The following GPR89B variants were observed in gnomAD, a reference collection of about 807,000 sequenced individuals.
GPR89B encodes golgi pH regulator B.
GPR89B carries 25 observed loss-of-function variants against 52.4 expected under a neutral mutation model. That is an observed-to-expected ratio of 0.48 (90% CI 0.35 to 0.67). The LOEUF is 0.67. Among genes scored for constraint, GPR89B ranks in the 30% least tolerant of loss-of-function variants. The pLI, the probability that GPR89B is intolerant of heterozygous loss-of-function variation, is 0.01. For missense variants in GPR89B, 146 were observed against 450.2 expected (o/e 0.32, Z 6.11); for synonymous variants, 52 against 151.2 (o/e 0.34, Z 4.81).
At chr1:147,987,237 C>G (rs1465028728) in intron 11 of GPR89B, among the ~76,000 whole-genome samples, 1 of 152,212 alleles carries the variant, frequency 6.6e-6, no homozygotes, top group Non-Finnish European at 1.5e-5. Context: ...GTATGCTTTA[C>G]AGGCCACGCA....
chr1:147,993,955 C>T (rs1285387098), downstream of GPR89B: 6 of 295,614 alleles, frequency 2.0e-5, no homozygotes, highest in East Asian at 5.8e-4. Context: ...GCAGCTGTCA[C>T]CTATACAGAG....
chr1:147,981,680 TCTCA>T (rs1284478767), intron 10 of GPR89B, among the ~76,000 whole-genome samples: 1 of 151,876 alleles, frequency 6.6e-6, no homozygotes, highest in Non-Finnish European at 1.5e-5. Flanking sequence ...TGAGACACAG[TCTCA>T]CTCTGTTGCC....
intron 1 of GPR89B, among the ~76,000 whole-genome samples, chr1:147,935,024 C>T (rs1351469333): frequency 1.3e-5 from 2 of 151,258 alleles, no homozygotes; most frequent in Non-Finnish European, 3.0e-5. Context: ...CCTCATAGAG[C>T]TTATAATCTA....
chr1:147,957,787 AGG>A (rs1656226383), intron 7 of GPR89B, among the ~76,000 whole-genome samples: 1 of 152,072 alleles, frequency 6.6e-6, no homozygotes, highest in African/African-American at 2.4e-5. Flanking sequence ...CATAAAGGCC[AGG>A]CGCAGTGGCT....
rs1656385848 is a variant in GPR89B at position 147,959,576 on chromosome 1, G to T, written c.617+5174G>T. Among the ~76,000 whole-genome samples, 3 of 152,108 alleles carry T rather than the reference G, an allele frequency of 2.0e-5. 1 individual carries two copies. In the South Asian group the frequency reaches 6.2e-4, roughly 32 times the overall value. The stretch of plus-strand genomic sequence containing the variant: ...CTCCCAGCACCCACTCAAGTGTACA[G>T]ATTGGTAAGAGTTTAAATCAGCTGA... On this transcript the variant is annotated intron_variant, in intron 7 of 13. Transcript: ENST00000314163.
At position 147,986,091 on chromosome 1, in the gene GPR89B, A is replaced by C. The variant is rs1658647087; in HGVS notation, c.910-108A>C. 6 of 1,598,262 alleles carry C rather than the reference A, an allele frequency of 3.8e-6. No individual in the cohort carries two copies. In the African/African-American group the frequency reaches 6.7e-5, roughly 18 times the overall value. On this transcript the variant is annotated intron_variant, in intron 10 of 13. Coordinates refer to ENST00000314163, the MANE Select transcript of GPR89B (RefSeq NM_016334.5). ...AGAGTAGAATTGCATTTTTAGGAACATTGACCTGTAAGATATGTTATAGTG... is the reference window on the plus strand; with the variant it reads ...AGAGTAGAATTGCATTTTTAGGAACCTTGACCTGTAAGATATGTTATAGTG...
At chr1:148,004,009 T>A in the GPR89B span, 1 of 496,972 alleles carries the variant, frequency 2.0e-6, no homozygotes, top group East Asian at 3.5e-5. Flanking sequence ...AGATGAGGAA[T>A]GACATCAACC....
At chr1:147,991,838 A>G (rs1659093231) in intron 12 of GPR89B, among the ~76,000 whole-genome samples, 1 of 151,896 alleles carries the variant, frequency 6.6e-6, no homozygotes, top group Non-Finnish European at 1.5e-5. Context: ...GTGCCGCTGG[A>G]TTCAGTTTGC....
downstream of GPR89B, among the ~76,000 whole-genome samples, chr1:147,997,617 G>A (rs1415992942): frequency 2.0e-5 from 3 of 152,148 alleles, no homozygotes; most frequent in African/African-American, 4.8e-5. Flanking sequence ...ACAGCCTGTC[G>A]TGGGGCTTCT....
chr1:148,006,104 A>G, the GPR89B span, among the ~76,000 whole-genome samples: 2 of 152,320 alleles, frequency 1.3e-5, no homozygotes, highest in African/African-American at 4.8e-5. Flanking sequence ...CTGACACTGA[A>G]CTTGACACAG....
chr1:147,931,618 A>G (rs1653619416), intron 1 of GPR89B, among the ~76,000 whole-genome samples: 1 of 146,498 alleles, frequency 6.8e-6, no homozygotes, highest in Non-Finnish European at 1.5e-5. Context: ...TTTATTTTAG[A>G]TTTGGTACTT....
chr1:148,021,245 G>A, the GPR89B span, among the ~76,000 whole-genome samples: 6 of 151,294 alleles, frequency 4.0e-5, no homozygotes, highest in South Asian at 1.3e-3. Flanking sequence ...GCTCACGCCT[G>A]TAATCCCAGC....
the GPR89B span, among the ~76,000 whole-genome samples, chr1:148,015,584 G>A: frequency 0.025 from 3,650 of 148,300 alleles, 172 homozygotes; most frequent in Non-Finnish European, 0.035. Flanking sequence ...AAAGTGTTGG[G>A]ATTACAGGCT....
chr1:147,984,550 T>C (rs1658526741), intron 10 of GPR89B, among the ~76,000 whole-genome samples: 2 of 150,588 alleles, frequency 1.3e-5, no homozygotes, highest in South Asian at 4.3e-4. Context: ...CTCTGGTCTT[T>C]GTTATTTCCT....
the GPR89B span, among the ~76,000 whole-genome samples, chr1:148,025,162 C>G: frequency 6.6e-6 from 1 of 151,862 alleles, no homozygotes; most frequent in East Asian, 1.9e-4. Flanking sequence ...ATGCATGACT[C>G]AAGTAAGAGC....
chr1:147,957,364 G>T (rs1246352970), intron 7 of GPR89B, among the ~76,000 whole-genome samples: 4 of 151,168 alleles, frequency 2.6e-5, no homozygotes, highest in Admixed American at 2.0e-4. Flanking sequence ...TAATAATAAT[G>T]AGTTAAGACT....
rs1228681619 is a variant in GPR89B, at chr1:147,986,055, G to A, written c.910-144G>A. The A allele has an allele frequency of 2.7e-5, 41 of 1,536,178 alleles. No individual in the cohort carries two copies. In the African/African-American group the frequency reaches 5.0e-4, roughly 19 times the overall value. The stretch of plus-strand genomic sequence containing the variant: ...TATCCGAAATAGATTTCCTATATAT[G>A]ATTTGGATTAAGAGTAGAATTGCAT... On this transcript the variant is annotated intron_variant, in intron 10 of 13. Coordinates refer to ENST00000314163, the MANE Select transcript of GPR89B (RefSeq NM_016334.5).
chr1:147,968,235 G>A (rs1217912910), intron 8 of GPR89B: 1 of 453,666 alleles, frequency 2.2e-6, no homozygotes, highest in Non-Finnish European at 4.4e-6. Flanking sequence ...ATAACATAGT[G>A]TAACGGAAAG....
chr1:147,933,063 T>C (rs1294262024), intron 1 of GPR89B, among the ~76,000 whole-genome samples: 5 of 152,204 alleles, frequency 3.3e-5, no homozygotes, highest in Non-Finnish European at 7.3e-5. Flanking sequence ...TAGTAAATGC[T>C]CAATAAAAGT....
Sources: allele counts gnomAD v4.1 joint callset (sites outside exome capture counted in the v4.1 genomes callset), GRCh38; gene constraint gnomAD v4.1.1; transcripts MANE v1.5; gene names NCBI Gene and HGNC (gene_info 2026-07-23, HGNC 2026-07-21).